The following CARS1 variants were observed in gnomAD, a reference collection of about 807,000 sequenced individuals.
The protein encoded by CARS1 is cysteinyl-tRNA synthetase 1.
Under a neutral mutation model 106.2 loss-of-function variants are expected in CARS1, and 48 were observed. The ratio of observed to expected loss-of-function variants is 0.45; its 90% confidence interval spans 0.36 to 0.57. The LOEUF is 0.57. CARS1 is among the 20% of genes least tolerant of loss of function. The probability of loss-of-function intolerance (pLI) is 0.00; values close to 1 mark genes in which losing one functional copy is unlikely to be tolerated. For synonymous variants in CARS1, 409 were observed against 403.4 expected (o/e 1.01, Z -0.17); for missense variants, 968 against 1,057.2 (o/e 0.92, Z 1.17).
chr11:3,011,201 T>C (rs1850417398), intron 18 of CARS1, among the ~76,000 whole-genome samples: 1 of 152,278 alleles, frequency 6.6e-6, no homozygotes, highest in African/African-American at 2.4e-5. Flanking sequence ...AAGGCCTGCC[T>C]GATGCTGCTT....
rs1017004656 is a variant in CARS1 at position 3,004,254 on chromosome 11, C to T, written c.2217+1112G>A. ...ACCACTCACCACTGTCTAGAGCTTTCCCCAGAGTTCCAGTTCGTTATTCCT... is the reference window on the plus strand; with the variant it reads ...ACCACTCACCACTGTCTAGAGCTTTTCCCAGAGTTCCAGTTCGTTATTCCT... On this transcript the variant is annotated intron_variant, in intron 20 of 22. Transcript: ENST00000380525. This position sits in a 1 kb window ranked among gnomAD's most constrained non-coding sequence, Gnocchi z 5.2. Among the ~76,000 whole-genome samples the T allele has an allele frequency of 3.9e-5, 6 of 152,226 alleles. No homozygotes were observed. Among genetic ancestry groups the T allele is most frequent in the African/African-American group, 1.4e-4 (6 of 41,454 alleles).
At chr11:3,001,293 G>C (rs1849380293) in intron 22 of CARS1, 45 bp from the exon 23 acceptor site, 2 of 1,603,988 alleles carry the variant, frequency 1.2e-6, no homozygotes, top group East Asian at 4.5e-5. Flanking sequence ...TCTGCACCTG[G>C]GTAACCCCAA....
In CARS1 at chr11:3,048,034, G is replaced by C. The variant is rs1354819093; in HGVS notation, c.26-33C>G. 6.2e-7 allele frequency: 1 copy of C among 1,601,258 alleles called. No individual in the cohort carries two copies. The highest frequency in any genetic ancestry group is 8.5e-7 in the Non-Finnish European group (1 of 1,171,156). Reference sequence around the variant, plus strand: ...GACAGAGGGCACATGGTGTCAGGCAGGCAGGCGGGCAGCCCAGAGGCCGCC... The same window carrying C: ...GACAGAGGGCACATGGTGTCAGGCACGCAGGCGGGCAGCCCAGAGGCCGCC... On this transcript the variant is annotated intron_variant, in intron 1 of 22. Coordinates refer to ENST00000380525, the MANE Select transcript of CARS1 (RefSeq NM_001014437.3). This position sits in a 1 kb window ranked among gnomAD's most constrained non-coding sequence, Gnocchi z 5.1.
Position 3,017,083 on chromosome 11 carries a change from C to G in CARS1, c.1917+23G>C. Reference sequence around the variant, plus strand: ...CTGTGTCCACACAGGCTGAGGGATACGCCTGCCTGGGGCCTGGCTTACCTT... The same window carrying G: ...CTGTGTCCACACAGGCTGAGGGATAGGCCTGCCTGGGGCCTGGCTTACCTT... On this transcript the variant is annotated intron_variant, in intron 16 of 22. Coordinates refer to ENST00000380525, the MANE Select transcript of CARS1 (RefSeq NM_001014437.3). The surrounding 1 kb of genome is among the most constrained non-coding windows in gnomAD (Gnocchi z 4.9). 6.3e-7 allele frequency: 1 copy of G among 1,598,570 alleles called. No homozygotes were observed. Among genetic ancestry groups the G allele is most frequent in the East Asian group, 2.2e-5 (1 of 44,598 alleles).
Position 3,028,026 on chromosome 11 carries a change from T to A in CARS1, c.1031+970A>T, listed in dbSNP as rs1852291338. 2 of 340,830 alleles carry A rather than the reference T, an allele frequency of 5.9e-6. No individual in the cohort carries two copies. Among genetic ancestry groups the A allele is most frequent in the African/African-American group, 2.1e-5 (1 of 47,082 alleles). 21.1% of individuals were successfully genotyped at this position (340,830 alleles called of 1,614,324 possible). ...TCAGCGGTCACGCTCCTAGTCCTCC[T>A]TCATGTTCCATCCTGTACACCTGGC... On this transcript the variant is annotated intron_variant, in intron 9 of 22. Coordinates refer to ENST00000380525, the MANE Select transcript of CARS1 (RefSeq NM_001014437.3). The surrounding 1 kb of genome is among the most constrained non-coding windows in gnomAD (Gnocchi z 4.4).
In CARS1 at chr11:3,018,555, T is replaced by A. The variant is rs368933650; in HGVS notation, c.1526-44A>T. The A allele has an allele frequency of 8.7e-6, 14 of 1,612,364 alleles. No individual in the cohort carries two copies. In the African/African-American group the frequency reaches 1.6e-4, roughly 18 times the overall value. ...CAGCCAACGCCCTTATTCTCCCGAG[T>A]GCTACAGCCATTACACATGTATGAG... On this transcript the variant is annotated intron_variant, in intron 13 of 22. Coordinates refer to ENST00000380525, the MANE Select transcript of CARS1 (RefSeq NM_001014437.3).
At chr11:3,005,281 G>T in intron 20 of CARS1, 85 bp downstream of exon 20, 1 of 1,026,732 alleles carries the variant, frequency 9.7e-7, no homozygotes, top group Non-Finnish European at 1.5e-6. Context: ...AAACATCAAT[G>T]CTTAAAAAGT....
At position 3,041,313 on chromosome 11, in the gene CARS1, A is replaced by G. The variant is rs1854417373; in HGVS notation, c.367-329T>C. ...ACAATAACACAGCTAATATTTACTG[A>G]GTACCTACCATGTGCCAGGCCCTGA... On this transcript the variant is annotated intron_variant, in intron 3 of 22. Transcript: ENST00000380525. The surrounding 1 kb of genome is among the most constrained non-coding windows in gnomAD (Gnocchi z 4.9). 1 of 336,212 alleles carries G rather than the reference A, an allele frequency of 3.0e-6. No homozygotes were observed. Among genetic ancestry groups the G allele is most frequent in the African/African-American group, 2.1e-5 (1 of 46,564 alleles). The allele number at this position is 336,212 out of a possible 1,614,324, so 20.8% of individuals were successfully genotyped here.
chr11:3,001,279 C>T (rs756204760), intron 22 of CARS1, 31 bp from the exon 23 acceptor site: 14 of 1,609,340 alleles, frequency 8.7e-6, no homozygotes, highest in Non-Finnish European at 1.1e-5. Flanking sequence ...GGCTATTGGT[C>T]TCCTCTGCAC....
chr11:3,023,502 C>G (rs1242404902), intron 10 of CARS1, among the ~76,000 whole-genome samples: 1 of 152,196 alleles, frequency 6.6e-6, no homozygotes, highest in Admixed American at 6.5e-5. Flanking sequence ...TCAAGCAACC[C>G]TCTTACCTCA....
rs893088456 is a variant in CARS1 at position 3,022,797 on chromosome 11, A to G, written c.1154-2465T>C. Among the ~76,000 whole-genome samples, 1 of 151,936 alleles carries G rather than the reference A, an allele frequency of 6.6e-6. No homozygotes were observed. Among genetic ancestry groups the G allele is most frequent in the Non-Finnish European group, 1.5e-5 (1 of 67,988 alleles). On this transcript the variant is annotated intron_variant, in intron 10 of 22. Coordinates refer to ENST00000380525, the MANE Select transcript of CARS1 (RefSeq NM_001014437.3). The surrounding 1 kb of genome is among the most constrained non-coding windows in gnomAD (Gnocchi z 4.9). Reference sequence around the variant, plus strand: ...TCTGGTGGGTCATCTTACTTGGCGGAGTGAGGAGCTGTCATCATCTAGGAC... The same window carrying G: ...TCTGGTGGGTCATCTTACTTGGCGGGGTGAGGAGCTGTCATCATCTAGGAC...
chr11:3,039,340 G>T lies in CARS1; in HGVS notation c.553-48C>A. On this transcript the variant is annotated intron_variant, in intron 5 of 22. Transcript: ENST00000380525. This position sits in a 1 kb window ranked among gnomAD's most constrained non-coding sequence, Gnocchi z 5.6. ...GGGGAGTGATGCTTGGATCCCACAT[G>T]CATCCCTCTGCAGCAGGCCACTCTC... 8.8e-7 allele frequency: 1 copy of T among 1,141,928 alleles called. No individual in the cohort carries two copies. Among genetic ancestry groups the T allele is most frequent in the Non-Finnish European group, 1.3e-6 (1 of 751,546 alleles). 70.7% of individuals were successfully genotyped at this position (1,141,928 alleles called of 1,614,324 possible).
intron 3 of CARS1, 57 bp downstream of exon 3, chr11:3,042,108 T>A: frequency 1.5e-6 from 2 of 1,319,664 alleles, no homozygotes; most frequent in Non-Finnish European, 2.2e-6. Context: ...ACATGGGCTG[T>A]CCTGCCTCCT....
chr11:3,054,994 T>C (rs1564801812), intron 1 of CARS1: 1 of 702,554 alleles, frequency 1.4e-6, no homozygotes. Flanking sequence ...ATCAGGCTCT[T>C]GGACAGGCAC....
At chr11:3,018,811 CT>C in intron 12 of CARS1, 62 bp from the exon 13 acceptor site, 2 of 1,564,676 alleles carry the variant, frequency 1.3e-6, no homozygotes, top group South Asian at 2.4e-5. Flanking sequence ...CTCCTGCCAC[CT>C]GCACTGTCTG....
Position 3,047,993 on chromosome 11 carries a change from A to G in CARS1, c.34T>C (p.Tyr12His), listed in dbSNP as rs1033535899. 6 of 1,612,996 alleles carry G rather than the reference A, an allele frequency of 3.7e-6. No homozygotes were observed. The African/African-American group carries it at 6.7e-5, about 18-fold the overall frequency. ...TCACTAATGCTCAGAATGGACCTGT[A>G]GTCAGGAGCTGCAAAGACAGAGGGC... ...ADSSGQQAPD[Y>H]RSILSISDEA... Residue 12 changes from tyrosine to histidine, a missense_variant, in exon 2 of 23, where the codon TAC becomes CAC. Coordinates refer to ENST00000380525, the MANE Select transcript of CARS1 (RefSeq NM_001014437.3).
In CARS1 at chr11:3,037,958, A is replaced by C. The variant is rs985388150; in HGVS notation, c.801+92T>G. 7.8e-7 allele frequency: 1 copy of C among 1,278,894 alleles called. No homozygotes were observed. Among genetic ancestry groups the C allele is most frequent in the Non-Finnish European group, 1.1e-6 (1 of 917,116 alleles). The allele number at this position is 1,278,894 out of a possible 1,614,324, so 79.2% of individuals were successfully genotyped here. A position where few individuals can be genotyped will look rare whatever the true frequency, so the allele number is the denominator to read the frequency against. ...ACACAGAGTGTCTTCCACTAAGACA[A>C]TCTGTGGAATCAATCCGTGCACACA... On this transcript the variant is annotated intron_variant, in intron 7 of 22. Transcript: ENST00000380525. This position sits in a 1 kb window ranked among gnomAD's most constrained non-coding sequence, Gnocchi z 5.9.
chr11:3,023,897 CT>C (rs894755915), intron 10 of CARS1, among the ~76,000 whole-genome samples: 16 of 151,234 alleles, frequency 1.1e-4, no homozygotes, highest in African/African-American at 3.6e-4. Flanking sequence ...CACTTATTTC[CT>C]TTTTTTTTGT....
rs568112733 is a variant in CARS1 at position 3,038,985 on chromosome 11, C to T, written c.651+209G>A. ...GCAGGAATGTCACCTACTCTCCACT[C>T]CACTCCAGTACATCTTTGCTGGTGA... On this transcript the variant is annotated intron_variant, in intron 6 of 22. Coordinates refer to ENST00000380525, the MANE Select transcript of CARS1 (RefSeq NM_001014437.3). This position sits in a 1 kb window ranked among gnomAD's most constrained non-coding sequence, Gnocchi z 4.0. Among the ~76,000 whole-genome samples, 1 of 152,226 alleles carries T rather than the reference C, an allele frequency of 6.6e-6. No homozygotes were observed. The highest frequency in any genetic ancestry group is 1.5e-5 in the Non-Finnish European group (1 of 68,044).
Sources: gnomAD v4.1 joint callset for allele counts (sites outside exome capture counted in the v4.1 genomes callset) on GRCh38, gnomAD v4.1.1 for gene constraint, Gnocchi (gnomAD v3.1) non-coding constraint, MANE v1.5 for transcripts, NCBI Gene and HGNC (gene_info 2026-07-23, HGNC 2026-07-21) for gene names.